The following NCAPG variants were observed in gnomAD, a reference collection of about 807,000 sequenced individuals.
NCAPG encodes the protein non-SMC condensin I complex subunit G.
NCAPG carries 69 observed loss-of-function variants against 113.1 expected under a neutral mutation model. The observed-to-expected ratio is 0.61, with a 90% CI of 0.50 to 0.75. NCAPG has a LOEUF of 0.75. NCAPG is among the 30% of genes least tolerant of loss of function. NCAPG has a pLI of 0.00. For synonymous variants in NCAPG, 370 were observed against 415.8 expected, an observed-to-expected ratio of 0.89 and a Z score of 1.34; for missense variants, 1,058 against 1,177.0, an observed-to-expected ratio of 0.90 and a Z score of 1.48.
intron 9 of NCAPG, among the ~76,000 whole-genome samples, chr4:17,824,235 T>G: frequency 6.6e-6 from 1 of 152,192 alleles, no homozygotes; most frequent in Non-Finnish European, 1.5e-5. Context: ...ATAAAGGTAT[T>G]GTTCTGTATT....
In NCAPG at chr4:17,844,674, G is replaced by A. The variant is rs984887426; in HGVS notation, c.*1249G>A. On this transcript the variant is annotated 3_prime_UTR_variant, in exon 21 of 21. Coordinates refer to ENST00000251496, the MANE Select transcript of NCAPG (RefSeq NM_022346.5). Reference sequence around the variant, plus strand: ...TGTGTTGTTGTTTTAAAGACAATTTGCAGGGGGTTGGGAGAAGGACTGAAA... The same window carrying A: ...TGTGTTGTTGTTTTAAAGACAATTTACAGGGGGTTGGGAGAAGGACTGAAA... 6.6e-6 allele frequency: 1 copy of A among 152,378 alleles called. No individual in the cohort carries two copies. Among genetic ancestry groups the A allele is most frequent in the African/African-American group, 2.4e-5 (1 of 41,400 alleles). The allele number at this position is 152,378 out of a possible 1,614,324, so 9.4% of individuals were successfully genotyped here.
chr4:17,823,516 G>T (rs1721540203), intron 8 of NCAPG, 131 bp from the exon 9 acceptor site: 1 of 742,380 alleles, frequency 1.3e-6, no homozygotes, highest in Non-Finnish European at 2.1e-6. Flanking sequence ...ACAGATTTTT[G>T]TACCTATTAT....
chr4:17,837,372 G>A lies in NCAPG; in HGVS notation c.2291+32G>A, dbSNP rs369219267. On this transcript the variant is annotated intron_variant, in intron 15 of 20. Coordinates refer to ENST00000251496, the MANE Select transcript of NCAPG (RefSeq NM_022346.5). Reference sequence around the variant, plus strand: ...AGTCATACTGATAAATCAAAAATCTGACTTGACATCAAATTCAAGTCCCCC... The same window carrying A: ...AGTCATACTGATAAATCAAAAATCTAACTTGACATCAAATTCAAGTCCCCC... 4 of 1,563,886 alleles carry A rather than the reference G, an allele frequency of 2.6e-6. No homozygotes were observed. In the African/African-American group the frequency reaches 5.5e-5, roughly 21 times the overall value.
At position 17,839,663 on chromosome 4, in the gene NCAPG, CTT is replaced by C. The variant is rs1560233256; in HGVS notation, c.2467-12_2467-11del. 1.6e-5 allele frequency: 24 copies of C among 1,471,684 alleles called. No individual in the cohort carries two copies. The highest frequency in any genetic ancestry group is 2.2e-5 in the Non-Finnish European group (24 of 1,111,920). 91.2% of individuals were successfully genotyped at this position (1,471,684 alleles called of 1,614,324 possible). On this transcript the variant is annotated splice_polypyrimidine_tract_variant and intron_variant, in intron 16 of 20. Coordinates refer to ENST00000251496, the MANE Select transcript of NCAPG (RefSeq NM_022346.5). Reference sequence around the variant, plus strand: ...ATCTTCAATTTACAGAGAATTTTCTCTTAATTTTTTAGGCCTTAACAGTACAT... The same window carrying C: ...ATCTTCAATTTACAGAGAATTTTCTCAATTTTTTAGGCCTTAACAGTACAT...
intron 7 of NCAPG, among the ~76,000 whole-genome samples, chr4:17,820,356 C>T (rs1402019479): frequency 6.6e-6 from 1 of 152,128 alleles, no homozygotes; most frequent in Non-Finnish European, 1.5e-5. Context: ...AATCCCAGCA[C>T]TTTAGGAGGC....
chr4:17,822,969 T>G lies in NCAPG; in HGVS notation c.1119-14T>G, dbSNP rs1721519687. On this transcript the variant is annotated splice_polypyrimidine_tract_variant and intron_variant, in intron 7 of 20. Coordinates refer to ENST00000251496, the MANE Select transcript of NCAPG (RefSeq NM_022346.5). ...TCTTAAAAGATTCTACTTTATTAAT[T>G]CTGCTTGTTTTAGTTACATCCAGAG... 1 of 1,567,450 alleles carries G rather than the reference T, an allele frequency of 6.4e-7. No homozygotes were observed. Among genetic ancestry groups the G allele is most frequent in the South Asian group, 1.2e-5 (1 of 82,940 alleles).
chr4:17,812,362 G>C lies in NCAPG; in HGVS notation c.253G>C (p.Glu85Gln), dbSNP rs1721020795. Residue 85 changes from glutamate to glutamine, a missense_variant, in exon 2 of 21, where the codon GAA (glutamate) becomes CAA (glutamine). Coordinates refer to ENST00000251496, the MANE Select transcript of NCAPG (RefSeq NM_022346.5). Reference sequence around the variant, plus strand: ...TACCTCATTTCACCAATCAGATATGGAAGATGATGAGGAAGAGGAAGATGG... The same window carrying C: ...TACCTCATTTCACCAATCAGATATGCAAGATGATGAGGAAGAGGAAGATGG... ...FVTSFHQSDM[E>Q]DDEEEEDGGL... 10 of 1,613,808 alleles carry C rather than the reference G, an allele frequency of 6.2e-6. No homozygotes were observed. The highest frequency in any genetic ancestry group is 7.6e-6 in the Non-Finnish European group (9 of 1,179,858).
At chr4:17,821,758 C>T (rs570857665) in intron 7 of NCAPG, among the ~76,000 whole-genome samples, 15 of 144,504 alleles carry the variant, frequency 1.0e-4, no homozygotes, top group Non-Finnish European at 1.9e-4. Context: ...AGCCACTGTG[C>T]CCGGCGACAT....
intron 15 of NCAPG, 108 bp from the exon 16 acceptor site, chr4:17,837,519 G>A (rs1722151231): frequency 7.4e-7 from 1 of 1,359,328 alleles, no homozygotes; most frequent in Non-Finnish European, 1.0e-6. Context: ...TTTCCTAGAT[G>A]AAAATGCACT....
At chr4:17,839,563 T>C in intron 16 of NCAPG, 113 bp from the exon 17 acceptor site, 1 of 769,162 alleles carries the variant, frequency 1.3e-6, no homozygotes, top group Non-Finnish European at 1.9e-6. Context: ...TTAGACATTT[T>C]ATATTTGGGA....
Position 17,811,251 on chromosome 4 carries a change from C to CACGGAGGG in NCAPG, c.111+63_111+64insACGGAGGG. ...CCCCGGCCCACCCTCCCTCAGGGGC[C>CACGGAGGG]CTCCGTGGCCCTCGGGCTCGGCGCA... is the stretch of plus-strand genomic sequence containing the variant. On this transcript the variant is annotated intron_variant, in intron 1 of 20. Transcript: ENST00000251496. This position sits in a 1 kb window ranked among gnomAD's most constrained non-coding sequence, Gnocchi z 5.3. 1 of 1,003,446 alleles carries CACGGAGGG rather than the reference C, an allele frequency of 1.0e-6. No individual in the cohort carries two copies. 62.2% of individuals were successfully genotyped at this position (1,003,446 alleles called of 1,614,324 possible).
rs910338927 is a variant in NCAPG, at chr4:17,812,548, T to C, written c.315+124T>C. On this transcript the variant is annotated intron_variant, in intron 2 of 20. Coordinates refer to ENST00000251496, the MANE Select transcript of NCAPG (RefSeq NM_022346.5). The stretch of plus-strand genomic sequence containing the variant: ...GTGATTGAAAAAACCTGAATGAGTC[T>C]ACCTTTCATAGGAAATATTAGAATT... 4.4e-5 allele frequency: 31 copies of C among 701,096 alleles called. No individual in the cohort carries two copies. In the African/African-American group the frequency reaches 4.7e-4, roughly 11 times the overall value. 43.4% of individuals were successfully genotyped at this position (701,096 alleles called of 1,614,324 possible).
chr4:17,824,996 C>T lies in NCAPG; in HGVS notation c.1412C>T (p.Ala471Val), dbSNP rs770259903. 39 of 1,612,476 alleles carry T rather than the reference C, an allele frequency of 2.4e-5. No individual in the cohort carries two copies. The highest frequency in any genetic ancestry group is 1.6e-4 in the Middle Eastern group (1 of 6,078). The change falls in exon 10 of 21, where the codon GCG becomes GTG. Residue 471 changes from alanine (A) to valine (V), a missense_variant. Physicochemically the swap from Ala to Val is moderately conservative, Grantham distance 64. Coordinates refer to ENST00000251496, the MANE Select transcript of NCAPG (RefSeq NM_022346.5). ...ACAGAAATTATCTCAGAGATTCGGG[C>T]GCCCATTGTTACTGTTGGTGTTAAT... ...IVTEIISEIRAPIVTVGVNND... is the reference protein window; with the variant it reads ...IVTEIISEIRVPIVTVGVNND...
At position 17,843,958 on chromosome 4, in the gene NCAPG, T is replaced by G. The variant is rs561455557; in HGVS notation, c.*533T>G. The G allele has an allele frequency of 9.9e-5, 15 of 152,202 alleles. No homozygotes were observed. The highest frequency in any genetic ancestry group is 3.6e-4 in the African/African-American group (15 of 41,574). The allele number at this position is 152,202 out of a possible 1,614,324, so 9.4% of individuals were successfully genotyped here. On this transcript the variant is annotated 3_prime_UTR_variant, in exon 21 of 21. Coordinates refer to ENST00000251496, the MANE Select transcript of NCAPG (RefSeq NM_022346.5). ...CAGTTATTTTGACAAAAACTTATTT[T>G]GTGATTCCTACAGTGAAAACATTTT...
At chr4:17,833,412 T>C (rs570221804) in intron 13 of NCAPG, among the ~76,000 whole-genome samples, 4 of 151,698 alleles carry the variant, frequency 2.6e-5, no homozygotes, top group Admixed American at 6.6e-5. Flanking sequence ...TGAGCTGAGA[T>C]TGCGCTATTA....
intron 13 of NCAPG, among the ~76,000 whole-genome samples, chr4:17,832,474 A>G (rs1721904539): frequency 6.6e-6 from 1 of 152,204 alleles, no homozygotes; most frequent in African/African-American, 2.4e-5. Context: ...TTTTCCTATG[A>G]TGGGGAAAGC....
rs1205077388 is a variant in NCAPG at position 17,812,308 on chromosome 4, A to T, written c.199A>T (p.Arg67Trp). The T allele has an allele frequency of 6.2e-7, 1 of 1,613,716 alleles. No homozygotes were observed. Among genetic ancestry groups the T allele is most frequent in the South Asian group, 1.1e-5 (1 of 91,076 alleles). ...CTATAAACGTGAACCAGCTGTGGAGAGGGTAATAGAATTTGCAGCAAAGTT... is the reference window on the plus strand; with the variant it reads ...CTATAAACGTGAACCAGCTGTGGAGTGGGTAATAGAATTTGCAGCAAAGTT... ...VVYKREPAVE[R>W]VIEFAAKFVT... The change falls in exon 2 of 21, where the codon AGG (arginine) becomes TGG (tryptophan). Residue 67 changes from arginine (R) to tryptophan (W), a missense_variant. By Grantham distance (101) the Arg-to-Trp change is moderately radical. Coordinates refer to ENST00000251496, the MANE Select transcript of NCAPG (RefSeq NM_022346.5).
Position 17,817,920 on chromosome 4 carries a change from C to A in NCAPG, c.969-19C>A. 6.3e-7 allele frequency: 1 copy of A among 1,579,202 alleles called. No individual in the cohort carries two copies. The highest frequency in any genetic ancestry group is 8.6e-7 in the Non-Finnish European group (1 of 1,166,884). ...TAAAAAGATCATGCTTTCTCTCACA[C>A]TCTTTCTTTTAAATGAAGGAAATTG... On this transcript the variant is annotated intron_variant, in intron 6 of 20. Transcript: ENST00000251496.
chr4:17,826,782 G>T (rs1263913536), intron 11 of NCAPG, among the ~76,000 whole-genome samples: 1 of 152,174 alleles, frequency 6.6e-6, no homozygotes, highest in Non-Finnish European at 1.5e-5. Context: ...GTAGAGTATT[G>T]TTGGCTTCCC....
Sources: allele counts gnomAD v4.1 joint callset (sites outside exome capture counted in the v4.1 genomes callset), GRCh38; gene constraint gnomAD v4.1.1; non-coding constraint Gnocchi (gnomAD v3.1); transcripts MANE v1.5; gene names NCBI Gene and HGNC (gene_info 2026-07-23, HGNC 2026-07-21).